Variants in LRRIQ1 observed in about 807,000 individuals in gnomAD.
The protein encoded by LRRIQ1 is leucine rich repeats and IQ motif containing 1.
In LRRIQ1, 210 loss-of-function variants were observed where a neutral mutation model predicts 211.9. The ratio of observed to expected loss-of-function variants is 0.99; its 90% CI spans 0.89 to 1.11. The LOEUF is 1.11. Among genes scored for constraint, LRRIQ1 ranks in the 50% most tolerant of loss-of-function variants. LRRIQ1 has a pLI of 0.00. For synonymous variants in LRRIQ1, 699 were observed against 650.1 expected (o/e 1.08, Z -1.14); for missense variants, 2,136 against 1,939.5 (o/e 1.10, Z -1.90).
chr12:85,091,341 G>C (rs898105138), intron 11 of LRRIQ1, among the ~76,000 whole-genome samples: 1 of 152,000 alleles, frequency 6.6e-6, no homozygotes, highest in African/African-American at 2.4e-5. Context: ...GTTTTAATGT[G>C]GTTGTTTTTT....
At chr12:85,110,629 C>T (rs147151029) in intron 15 of LRRIQ1, among the ~76,000 whole-genome samples, 28 of 152,164 alleles carry the variant, frequency 1.8e-4, no homozygotes, top group African/African-American at 6.7e-4. Flanking sequence ...TTAGAAAAAT[C>T]ATCTCAGTTT....
chr12:85,117,835 C>A (rs1285644538), intron 15 of LRRIQ1, among the ~76,000 whole-genome samples: 2 of 152,142 alleles, frequency 1.3e-5, no homozygotes, highest in African/African-American at 2.4e-5. Context: ...ATTTTATAAT[C>A]ATAACTAAGT....
chr12:85,116,287 C>G (rs564306536), intron 15 of LRRIQ1, among the ~76,000 whole-genome samples: 2 of 152,142 alleles, frequency 1.3e-5, no homozygotes, highest in East Asian at 1.9e-4. Flanking sequence ...GGACTACAGG[C>G]GCCCACCACC....
intron 18 of LRRIQ1, among the ~76,000 whole-genome samples, chr12:85,135,844 T>C (rs1425094764): frequency 6.6e-6 from 1 of 151,952 alleles, no homozygotes; most frequent in Admixed American, 6.6e-5. Context: ...ATCAGTCATT[T>C]GTCTAAAGAT....
In LRRIQ1 at chr12:85,098,364, A is replaced by T. The variant is rs1399149897; in HGVS notation, c.2897A>T (p.Glu966Val). 1 of 1,603,606 alleles carries T rather than the reference A, an allele frequency of 6.2e-7. No homozygotes were observed. The highest frequency in any genetic ancestry group is 2.2e-5 in the East Asian group (1 of 44,596). Residue 966 changes from glutamate (E) to valine (V), a missense_variant, in exon 12 of 27, where the codon GAA becomes GTA. Glu to Val is a moderately radical substitution (Grantham distance 121). Transcript: ENST00000393217. The stretch of plus-strand genomic sequence containing the variant: ...AACTTTTTTCTTCTAGGTGGTTTAG[A>T]ATCTTTGAAAAATCTTCAACAACTA... ...ISHLYWNCGL[E>V]SLKNLQQLIL...
At chr12:85,232,559 A>T (rs924198804) in intron 25 of LRRIQ1, 137 bp from the exon 26 acceptor site, 2 of 684,294 alleles carry the variant, frequency 2.9e-6, no homozygotes. Flanking sequence ...ATTTTTACTT[A>T]TAACCTAATT....
intron 9 of LRRIQ1, 79 bp from the exon 10 acceptor site, chr12:85,066,669 T>C: frequency 1.8e-6 from 2 of 1,141,762 alleles, no homozygotes; most frequent in Non-Finnish European, 2.4e-6. Context: ...CTCATCTTTC[T>C]TTCCTCTTTT....
At chr12:85,266,726 C>A (rs2137353020), downstream of LRRIQ1, among the ~76,000 whole-genome samples, 1 of 152,268 alleles carries the variant, frequency 6.6e-6, no homozygotes, top group South Asian at 2.1e-4. Flanking sequence ...AGTGTCACAA[C>A]TGCCAATGTC....
intron 24 of LRRIQ1, among the ~76,000 whole-genome samples, chr12:85,213,799 A>T (rs904391167): frequency 3.9e-5 from 6 of 152,042 alleles, no homozygotes; most frequent in Admixed American, 1.3e-4. Flanking sequence ...TGTAGACAAC[A>T]ATAATTAATG....
At chr12:85,196,254 A>G (rs1043613227) in intron 24 of LRRIQ1, among the ~76,000 whole-genome samples, 214 of 152,142 alleles carry the variant, frequency 1.4e-3, no homozygotes, top group Non-Finnish European at 2.4e-3. Flanking sequence ...ATACTGCCCA[A>G]GGTAATTTAT....
intron 24 of LRRIQ1, among the ~76,000 whole-genome samples, chr12:85,206,467 G>T (rs1277306314): frequency 1.3e-5 from 2 of 152,150 alleles, no homozygotes; most frequent in African/African-American, 4.8e-5. Flanking sequence ...TGGCAGTAAG[G>T]GGTGGGTATG....
At chr12:85,118,540 A>C (rs1490479301) in intron 15 of LRRIQ1, among the ~76,000 whole-genome samples, 1 of 113,844 alleles carries the variant, frequency 8.8e-6, no homozygotes, top group Non-Finnish European at 1.9e-5. Context: ...AAATGTATTT[A>C]TCTATCTCTT....
intron 24 of LRRIQ1, among the ~76,000 whole-genome samples, chr12:85,207,996 A>G (rs768338546): frequency 1.3e-5 from 2 of 148,990 alleles, no homozygotes; most frequent in Non-Finnish European, 2.9e-5. Context: ...TTTTTAGAGT[A>G]GTAACTTTCC....
intron 13 of LRRIQ1, among the ~76,000 whole-genome samples, chr12:85,101,824 TTTGA>T (rs1430000106): frequency 7.9e-5 from 12 of 151,882 alleles, no homozygotes; most frequent in South Asian, 4.1e-4. Context: ...ATTTCTTCAC[TTTGA>T]TTGATTTTTG....
At position 85,056,283 on chromosome 12, in the gene LRRIQ1, T is replaced by C. The variant is rs757877887; in HGVS notation, c.1490T>C (p.Val497Ala). 3.2e-6 allele frequency: 5 copies of C among 1,582,708 alleles called. No homozygotes were observed. Among genetic ancestry groups the C allele is most frequent in the African/African-American group, 1.4e-5 (1 of 72,734 alleles). The change falls in exon 8 of 27, where the codon GTC becomes GCC. Residue 497 changes from valine to alanine, a missense_variant. Coordinates refer to ENST00000393217, the MANE Select transcript of LRRIQ1 (RefSeq NM_001079910.2). ...AAAAAACGATGTTCAGAAGAATTGGTCAAGCAAGAAAGAAAATATGAAAAT... is the reference window on the plus strand; with the variant it reads ...AAAAAACGATGTTCAGAAGAATTGGCCAAGCAAGAAAGAAAATATGAAAAT... ...LAKKRCSEEL[V>A]KQERKYENTD...
chr12:85,094,115 G>C (rs1267234530), intron 11 of LRRIQ1, among the ~76,000 whole-genome samples: 1 of 152,164 alleles, frequency 6.6e-6, no homozygotes, highest in African/African-American at 2.4e-5. Context: ...AAAAGCGCTG[G>C]AAAGCCTGCT....
intron 7 of LRRIQ1, among the ~76,000 whole-genome samples, chr12:85,053,794 G>T (rs986320943): frequency 1.3e-5 from 2 of 152,114 alleles, no homozygotes; most frequent in Admixed American, 1.3e-4. Context: ...TTCAAGCTCC[G>T]CCTCCTGGGT....
intron 11 of LRRIQ1, among the ~76,000 whole-genome samples, chr12:85,079,336 C>T (rs1206382440): frequency 1.3e-5 from 2 of 148,996 alleles, no homozygotes; most frequent in Non-Finnish European, 3.0e-5. Flanking sequence ...ATTCTGTTGC[C>T]TCAGCCTCTT....
rs12297611 is a variant in LRRIQ1, at chr12:85,229,942, A to G, written c.4955+293A>G. Reference sequence around the variant, plus strand: ...TGTGGTATTCATTAAATGTTTTTAGATATCATGTATATTATAGGTTGTGCT... The same window carrying G: ...TGTGGTATTCATTAAATGTTTTTAGGTATCATGTATATTATAGGTTGTGCT... On this transcript the variant is annotated intron_variant, in intron 25 of 26. Transcript: ENST00000393217. 3.2e-3 allele frequency among the ~76,000 whole-genome samples: 486 copies of G among 152,304 alleles called. 5 individuals are homozygous for G. Among genetic ancestry groups the G allele is most frequent in the African/African-American group, 0.011 (449 of 41,574 alleles).
Sources: allele counts gnomAD v4.1 joint callset (sites outside exome capture counted in the v4.1 genomes callset), GRCh38; gene constraint gnomAD v4.1.1; transcripts MANE v1.5; gene names NCBI Gene and HGNC (gene_info 2026-07-23, HGNC 2026-07-21).